The following RGS7BP variants were observed in gnomAD, a reference collection of about 807,000 sequenced individuals.
RGS7BP encodes the protein regulator of G protein signaling 7-binding protein.
Under a neutral mutation model 31.3 loss-of-function variants are expected in RGS7BP, and 9 were observed. That is an observed-to-expected ratio of 0.29 (90% CI 0.17 to 0.50). The LOEUF (loss-of-function observed/expected upper bound fraction) is 0.50, where lower values mean the gene tolerates loss of function less well. Among genes scored for constraint, RGS7BP ranks in the 20% least tolerant of loss-of-function variants. The pLI is 0.98. For synonymous variants in RGS7BP, 115 were observed against 120.1 expected (o/e 0.96, Z 0.28); for missense variants, 274 against 322.0 (o/e 0.85, Z 1.14).
At chr5:64,523,383 T>C (rs921382813) in intron 2 of RGS7BP, among the ~76,000 whole-genome samples, 57 of 152,308 alleles carry the variant, frequency 3.7e-4, no homozygotes, top group African/African-American at 1.4e-3. Context: ...TGAATTCAAG[T>C]TTACATGTGA....
chr5:64,541,188 A>G (rs1741518896), intron 2 of RGS7BP, among the ~76,000 whole-genome samples: 1 of 152,162 alleles, frequency 6.6e-6, no homozygotes, highest in Non-Finnish European at 1.5e-5. Context: ...CCAGCATGCC[A>G]CATGACAAGA....
At chr5:64,592,548 G>T (rs1328970233) in intron 3 of RGS7BP, among the ~76,000 whole-genome samples, 1 of 152,126 alleles carries the variant, frequency 6.6e-6, no homozygotes, top group African/African-American at 2.4e-5. Flanking sequence ...TGTAAAAGGT[G>T]TGATATGGAG....
intron 2 of RGS7BP, among the ~76,000 whole-genome samples, chr5:64,521,918 A>C (rs1749117119): frequency 6.6e-6 from 1 of 152,248 alleles, no homozygotes; most frequent in Non-Finnish European, 1.5e-5. Context: ...CAGAGTAAAA[A>C]GTAACTGGAA....
At chr5:64,545,781 G>A (rs1741644532) in intron 2 of RGS7BP, among the ~76,000 whole-genome samples, 1 of 152,224 alleles carries the variant, frequency 6.6e-6, no homozygotes, top group African/African-American at 2.4e-5. Flanking sequence ...CATTGAGCTA[G>A]GGCATATGAA....
At chr5:64,550,634 G>C (rs997162908) in intron 2 of RGS7BP, among the ~76,000 whole-genome samples, 1 of 151,668 alleles carries the variant, frequency 6.6e-6, no homozygotes. Context: ...CAATGTGCAG[G>C]TTTGTTACAT....
At chr5:64,550,652 C>A (rs983064224) in intron 2 of RGS7BP, among the ~76,000 whole-genome samples, 3 of 151,768 alleles carry the variant, frequency 2.0e-5, no homozygotes, top group Non-Finnish European at 2.9e-5. Flanking sequence ...CATATGTATA[C>A]ATGTGCTATG....
intron 2 of RGS7BP, among the ~76,000 whole-genome samples, chr5:64,553,171 CT>C (rs542252038): frequency 5.8e-4 from 69 of 118,228 alleles, no homozygotes; most frequent in African/African-American, 1.2e-3. Context: ...TTCTTTCTTT[CT>C]TTTTTTTTTT....
chr5:64,531,466 C>T (rs1749368065), intron 2 of RGS7BP, among the ~76,000 whole-genome samples: 1 of 152,070 alleles, frequency 6.6e-6, no homozygotes, highest in South Asian at 2.1e-4. Flanking sequence ...CGACATCTTC[C>T]AAATTAGGAG....
intron 2 of RGS7BP, among the ~76,000 whole-genome samples, chr5:64,567,482 T>C (rs1251733896): frequency 6.6e-6 from 1 of 152,166 alleles, no homozygotes; most frequent in Non-Finnish European, 1.5e-5. Context: ...ACTCCCTAGA[T>C]TCTACAATTA....
intron 3 of RGS7BP, among the ~76,000 whole-genome samples, chr5:64,586,390 CT>C (rs1742753110): frequency 6.6e-6 from 1 of 152,196 alleles, no homozygotes; most frequent in Non-Finnish European, 1.5e-5. Flanking sequence ...TTGCAAGTTC[CT>C]TCCAGTTTTT....
At chr5:64,579,335 G>A (rs1458844644) in intron 3 of RGS7BP, among the ~76,000 whole-genome samples, 1 of 152,016 alleles carries the variant, frequency 6.6e-6, no homozygotes, top group Non-Finnish European at 1.5e-5. Context: ...CACGAGGTCA[G>A]GAGTTCAAGA....
intron 2 of RGS7BP, among the ~76,000 whole-genome samples, chr5:64,562,782 G>A (rs138602979): frequency 1.3e-5 from 2 of 152,236 alleles, no homozygotes; most frequent in East Asian, 3.9e-4. Context: ...GAGCTGGTGG[G>A]TGAGCAGGAC....
intron 3 of RGS7BP, among the ~76,000 whole-genome samples, chr5:64,579,129 T>C (rs1479285617): frequency 5.3e-5 from 8 of 152,208 alleles, no homozygotes; most frequent in African/African-American, 1.9e-4. Context: ...AGCTGTCCTA[T>C]AGACTGTTAC....
chr5:64,588,242 GTC>G (rs969013433), intron 3 of RGS7BP, among the ~76,000 whole-genome samples: 1 of 152,152 alleles, frequency 6.6e-6, no homozygotes, highest in African/African-American at 2.4e-5. Flanking sequence ...TTCTCCATTG[GTC>G]TCTCACATTC....
intron 3 of RGS7BP, among the ~76,000 whole-genome samples, chr5:64,583,834 A>G (rs184141269): frequency 1.3e-5 from 2 of 152,378 alleles, no homozygotes; most frequent in African/African-American, 4.8e-5. Context: ...GTCTTCATAT[A>G]CCAGTGAGTA....
intron 2 of RGS7BP, among the ~76,000 whole-genome samples, chr5:64,516,629 C>T (rs1748982763): frequency 6.6e-6 from 1 of 152,130 alleles, no homozygotes; most frequent in African/African-American, 2.4e-5. Flanking sequence ...TTTCCTGTAT[C>T]AGAATCATGT....
chr5:64,531,744 A>G (rs977135418), intron 2 of RGS7BP, among the ~76,000 whole-genome samples: 7 of 152,230 alleles, frequency 4.6e-5, no homozygotes, highest in African/African-American at 1.7e-4. Context: ...GTTTGTGCAC[A>G]TGTATGGTAG....
intron 5 of RGS7BP, among the ~76,000 whole-genome samples, chr5:64,606,033 T>TAG (rs1443851416): frequency 4.2e-5 from 5 of 119,584 alleles, no homozygotes; most frequent in Admixed American, 9.1e-5. Flanking sequence ...TATATATATA[T>TAG]ATATATAGAG....
rs113622965 is a variant in RGS7BP at position 64,531,387 on chromosome 5, T to C, written c.332+23510T>C. Among the ~76,000 whole-genome samples the C allele has an allele frequency of 4.2e-4, 64 of 152,320 alleles. 1 individual carries two copies. The highest frequency in any genetic ancestry group is 1.5e-3 in the African/African-American group (61 of 41,566). On this transcript the variant is annotated intron_variant, in intron 2 of 5. Transcript: ENST00000334025. ...AAATCTGTGGTAAATAACAGAGTCA[T>C]TGGAGACTCAATCAATCTGCACACT... is the stretch of plus-strand genomic sequence containing the variant.
Sources: gnomAD v4.1 joint callset for allele counts (sites outside exome capture counted in the v4.1 genomes callset) on GRCh38, gnomAD v4.1.1 for gene constraint, MANE v1.5 for transcripts, NCBI Gene and HGNC (gene_info 2026-07-23, HGNC 2026-07-21) for gene names.